Variants in ANXA8 observed in about 807,000 individuals in gnomAD.
ANXA8 encodes VAC-beta.
ANXA8 carries 9 observed loss-of-function variants against 26.8 expected under a neutral mutation model. The ratio of observed to expected loss-of-function variants is 0.34; its 90% CI spans 0.20 to 0.59. ANXA8 has a LOEUF of 0.59. Among genes scored for constraint, ANXA8 ranks in the 20% least tolerant of loss-of-function variants. The probability of loss-of-function intolerance (pLI) is 0.84; values close to 1 mark genes in which losing one functional copy is unlikely to be tolerated. For missense variants in ANXA8, 83 were observed against 238.5 expected (o/e 0.35, Z 4.29); for synonymous variants, 39 against 94.8 (o/e 0.41, Z 3.42).
At chr10:47,567,859 G>A in the ANXA8 span, 1 of 354,218 alleles carries the variant, frequency 2.8e-6, no homozygotes, top group Non-Finnish European at 5.3e-6. Flanking sequence ...CAAGCTTAAA[G>A]CATCACACGT....
At chr10:47,596,768 A>T in the ANXA8 span, among the ~76,000 whole-genome samples, 3 of 148,284 alleles carry the variant, frequency 2.0e-5, 1 homozygote, top group African/African-American at 7.8e-5. Context: ...TTACAGAATG[A>T]ATTGAATAAG....
the ANXA8 span, among the ~76,000 whole-genome samples, chr10:47,740,299 A>G: frequency 6.7e-6 from 1 of 148,426 alleles, no homozygotes; most frequent in East Asian, 2.0e-4. Context: ...CTGATTATGC[A>G]AGGCAGTAGG....
At chr10:47,733,233 CTCTTTCTTTCTTTCTTTCTT>C in the ANXA8 span, among the ~76,000 whole-genome samples, 841 of 59,550 alleles carry the variant, frequency 0.014, 13 homozygotes, top group Middle Eastern at 0.038. Context: ...CTTTCTTTCT[CTCTTTCTTTCTTTCTTTCTT>C]TCTTTCTTTC....
the ANXA8 span, among the ~76,000 whole-genome samples, chr10:47,618,910 G>C: frequency 1.7e-5 from 2 of 115,172 alleles, no homozygotes; most frequent in Non-Finnish European, 3.8e-5. Flanking sequence ...TTTGATTACT[G>C]TAAAAATAAT....
the ANXA8 span, chr10:47,760,746 G>A: frequency 2.4e-6 from 2 of 839,568 alleles, 1 homozygote; most frequent in Non-Finnish European, 3.5e-6. Context: ...GGCCACCCGA[G>A]CAGACCCTGA....
chr10:47,534,566 CT>C, the ANXA8 span, among the ~76,000 whole-genome samples: 70 of 128,568 alleles, frequency 5.4e-4, 3 homozygotes, highest in South Asian at 0.012. Context: ...ATGTTTTTCT[CT>C]TTTTTTTTCC....
chr10:47,499,124 AT>A, the ANXA8 span, among the ~76,000 whole-genome samples: 2 of 135,640 alleles, frequency 1.5e-5, no homozygotes, highest in African/African-American at 3.0e-5. Flanking sequence ...ATAAAAAATA[AT>A]TTTTTTAAAA....
chr10:47,628,578 G>A, the ANXA8 span, among the ~76,000 whole-genome samples: 1 of 150,408 alleles, frequency 6.6e-6, no homozygotes, highest in Admixed American at 6.6e-5. Flanking sequence ...AGCATTATTA[G>A]TTGTAAAAGT....
chr10:47,653,937 C>T, the ANXA8 span, among the ~76,000 whole-genome samples: 5 of 149,894 alleles, frequency 3.3e-5, no homozygotes, highest in African/African-American at 7.6e-5. Context: ...TGAGCTACTG[C>T]GCCCAGCATA....
the ANXA8 span, among the ~76,000 whole-genome samples, chr10:47,700,597 G>T: frequency 5.3e-5 from 8 of 149,790 alleles, 1 homozygote; most frequent in African/African-American, 1.7e-4. Context: ...GTAGGGAAAG[G>T]CTTTTTCTTA....
At chr10:47,603,507 T>A in the ANXA8 span, among the ~76,000 whole-genome samples, 1 of 146,576 alleles carries the variant, frequency 6.8e-6, no homozygotes, top group Non-Finnish European at 1.5e-5. Flanking sequence ...TAGCATATAA[T>A]GTTCTTACTT....
At chr10:47,563,535 G>A in the ANXA8 span, 3 of 759,686 alleles carry the variant, frequency 3.9e-6, no homozygotes, top group Non-Finnish European at 7.1e-6. Context: ...GAAACTTACT[G>A]AAATTTGTTC....
the ANXA8 span, among the ~76,000 whole-genome samples, chr10:47,621,536 C>T: frequency 6.2e-5 from 7 of 112,058 alleles, no homozygotes; most frequent in Middle Eastern, 0.013. Context: ...TAATTTCTCT[C>T]CTGCTTCTAA....
At chr10:47,539,472 G>A in the ANXA8 span, among the ~76,000 whole-genome samples, 1 of 127,062 alleles carries the variant, frequency 7.9e-6, no homozygotes, top group Non-Finnish European at 1.7e-5. Context: ...GAGACATACT[G>A]AGAGTACTGC....
At chr10:47,703,007 A>G in the ANXA8 span, among the ~76,000 whole-genome samples, 1 of 149,872 alleles carries the variant, frequency 6.7e-6, no homozygotes, top group Non-Finnish European at 1.5e-5. Flanking sequence ...GGGCAAATTC[A>G]GGATAAGCCT....
the ANXA8 span, among the ~76,000 whole-genome samples, chr10:47,738,636 G>C: frequency 6.6e-6 from 1 of 151,760 alleles, no homozygotes; most frequent in Non-Finnish European, 1.5e-5. Context: ...GAGTGCAGTG[G>C]TATGATCTCA....
the ANXA8 span, among the ~76,000 whole-genome samples, chr10:47,681,303 T>C: frequency 6.6e-5 from 10 of 151,714 alleles, no homozygotes; most frequent in Non-Finnish European, 1.5e-5. Context: ...AGTGGAGTTG[T>C]TATTTGCTGA....
chr10:47,744,421 G>C, the ANXA8 span, among the ~76,000 whole-genome samples: 2 of 15,148 alleles, frequency 1.3e-4, no homozygotes, highest in Admixed American at 6.9e-4. Context: ...TGGGGGGGGG[G>C]TTGGGGGGGA....
chr10:47,956,019 C>T, the ANXA8 span: 1 of 39,452 alleles, frequency 2.5e-5, no homozygotes, highest in Non-Finnish European at 5.1e-5. Context: ...CATTAGCCCA[C>T]ACCTACCCAG....
Sources: allele counts gnomAD v4.1 joint callset (sites outside exome capture counted in the v4.1 genomes callset), GRCh38; gene constraint gnomAD v4.1.1; transcripts MANE v1.5; gene names NCBI Gene and HGNC (gene_info 2026-07-23, HGNC 2026-07-21).